Variants in CNTN5 observed in about 807,000 individuals in gnomAD.
The protein encoded by CNTN5 is contactin 5.
A neutral mutation model predicts 129.1 loss-of-function variants in CNTN5; 77 were observed. The ratio of observed to expected loss-of-function variants is 0.60; its 90% CI spans 0.50 to 0.72. The LOEUF is 0.72. CNTN5 is among the 30% of genes least tolerant of loss of function. The pLI is 0.00. For synonymous variants in CNTN5, 509 were observed against 465.6 expected, an observed-to-expected ratio of 1.09 and a Z score of -1.20; for missense variants, 1,478 against 1,328.8, an observed-to-expected ratio of 1.11 and a Z score of -1.75.
chr11:100,029,441 G>C (rs1941592149), intron 9 of CNTN5, among the ~76,000 whole-genome samples: 1 of 152,010 alleles, frequency 6.6e-6, no homozygotes, highest in Non-Finnish European at 1.5e-5. Flanking sequence ...AAATTAGCCG[G>C]GCGAGGTGGC....
chr11:100,193,724 T>G, intron 15 of CNTN5, 61 bp downstream of exon 15: 1 of 1,463,840 alleles, frequency 6.8e-7, no homozygotes. Flanking sequence ...GAATCAAATG[T>G]AAGACCTTGC....
intron 3 of CNTN5, among the ~76,000 whole-genome samples, chr11:99,611,834 T>C (rs1296704039): frequency 2.6e-5 from 4 of 152,214 alleles, no homozygotes; most frequent in Non-Finnish European, 4.4e-5. Flanking sequence ...GGCAGTTTTA[T>C]ACTTTTGGAT....
chr11:99,574,809 A>G (rs1454040560), intron 3 of CNTN5, among the ~76,000 whole-genome samples: 1 of 151,940 alleles, frequency 6.6e-6, no homozygotes, highest in Non-Finnish European at 1.5e-5. Context: ...GATTCTGGAT[A>G]TTAGAACTTT....
intron 3 of CNTN5, among the ~76,000 whole-genome samples, chr11:99,788,939 T>C (rs557948045): frequency 6.6e-6 from 1 of 152,000 alleles, no homozygotes; most frequent in South Asian, 2.1e-4. Flanking sequence ...AAAAAACGTT[T>C]CCAATAAGAG....
At chr11:99,513,368 A>G (rs1946913856) in intron 2 of CNTN5, among the ~76,000 whole-genome samples, 1 of 152,182 alleles carries the variant, frequency 6.6e-6, no homozygotes, top group Non-Finnish European at 1.5e-5. Flanking sequence ...CAAGTCATCC[A>G]GAAGATCTAG....
intron 1 of CNTN5, among the ~76,000 whole-genome samples, chr11:99,115,331 G>A (rs1338613479): frequency 1.2e-4 from 19 of 152,038 alleles, no homozygotes; most frequent in Admixed American, 1.2e-3. Context: ...ACATCTTTTA[G>A]AAGGAAAAAT....
chr11:99,782,151 A>G (rs1021739647), intron 3 of CNTN5, among the ~76,000 whole-genome samples: 8 of 151,036 alleles, frequency 5.3e-5, no homozygotes, highest in Non-Finnish European at 2.9e-5. Flanking sequence ...AAATCAATGT[A>G]CAAAAATCAC....
chr11:99,732,629 C>T (rs539182779), intron 3 of CNTN5, among the ~76,000 whole-genome samples: 1 of 152,298 alleles, frequency 6.6e-6, no homozygotes, highest in Admixed American at 6.5e-5. Flanking sequence ...GCGGACTTGG[C>T]AGCACCATTT....
intron 3 of CNTN5, among the ~76,000 whole-genome samples, chr11:99,718,606 G>A (rs552135426): frequency 6.6e-6 from 1 of 152,264 alleles, no homozygotes; most frequent in African/African-American, 2.4e-5. Flanking sequence ...AATAAACTAT[G>A]TTAGGAGCAC....
At chr11:99,732,754 A>G (rs1469695300) in intron 3 of CNTN5, among the ~76,000 whole-genome samples, 1 of 152,212 alleles carries the variant, frequency 6.6e-6, no homozygotes, top group Non-Finnish European at 1.5e-5. Context: ...TTTTAGTAAG[A>G]AAGGGATGTT....
intron 1 of CNTN5, among the ~76,000 whole-genome samples, chr11:99,277,345 C>G (rs1399326271): frequency 6.6e-6 from 1 of 151,598 alleles, no homozygotes; most frequent in Non-Finnish European, 1.5e-5. Flanking sequence ...CATATCATTT[C>G]TCAGTTTGAT....
intron 9 of CNTN5, among the ~76,000 whole-genome samples, chr11:100,003,338 C>T (rs1020817371): frequency 6.6e-5 from 10 of 152,134 alleles, no homozygotes; most frequent in South Asian, 2.1e-4. Flanking sequence ...GTTAGTTAAG[C>T]GCATAAGATT....
chr11:99,479,358 G>T (rs1335797992), intron 2 of CNTN5, among the ~76,000 whole-genome samples: 1 of 151,172 alleles, frequency 6.6e-6, no homozygotes, highest in South Asian at 2.1e-4. Flanking sequence ...AGTTCTATAT[G>T]CAGCATAAAA....
At chr11:99,165,229 C>T (rs1244505041) in intron 1 of CNTN5, among the ~76,000 whole-genome samples, 2 of 152,126 alleles carry the variant, frequency 1.3e-5, no homozygotes, top group East Asian at 1.9e-4. Flanking sequence ...ATTCATAAAA[C>T]ACAGTTGAAA....
At chr11:100,147,171 T>C (rs1946877825) in intron 13 of CNTN5, among the ~76,000 whole-genome samples, 1 of 152,140 alleles carries the variant, frequency 6.6e-6, no homozygotes, top group African/African-American at 2.4e-5. Context: ...AAATTTACTC[T>C]GGAATAAGGT....
chr11:99,125,467 G>A (rs538633651), intron 1 of CNTN5, among the ~76,000 whole-genome samples: 3 of 152,078 alleles, frequency 2.0e-5, no homozygotes, highest in Admixed American at 2.0e-4. Flanking sequence ...AATAATAAGA[G>A]CCATCTATGA....
intron 6 of CNTN5, among the ~76,000 whole-genome samples, chr11:99,881,143 G>GT (rs1248774529): frequency 6.6e-6 from 1 of 152,168 alleles, no homozygotes; most frequent in African/African-American, 2.4e-5. Flanking sequence ...TTCTGGATTG[G>GT]TACAGGTATG....
At chr11:99,727,030 G>A (rs915717505) in intron 3 of CNTN5, among the ~76,000 whole-genome samples, 4 of 151,282 alleles carry the variant, frequency 2.6e-5, no homozygotes, top group Non-Finnish European at 4.4e-5. Flanking sequence ...GGCATGGCCG[G>A]GCGCGGTGGC....
At chr11:99,765,313 A>G (rs944619769) in intron 3 of CNTN5, among the ~76,000 whole-genome samples, 1 of 151,828 alleles carries the variant, frequency 6.6e-6, no homozygotes, top group Non-Finnish European at 1.5e-5. Flanking sequence ...AACCATATAT[A>G]TATATACATA....
Sources: gnomAD v4.1 joint callset for allele counts (sites outside exome capture counted in the v4.1 genomes callset) on GRCh38, gnomAD v4.1.1 for gene constraint, MANE v1.5 for transcripts, NCBI Gene and HGNC (gene_info 2026-07-23, HGNC 2026-07-21) for gene names.